QTGAL: variants seen among roughly 807,000 people sequenced by gnomAD.
QTGAL encodes BGnT-like protein 1.
the QTGAL span, among the ~76,000 whole-genome samples, chr17:82,955,032 C>T: frequency 4.6e-5 from 7 of 152,298 alleles, no homozygotes; most frequent in African/African-American, 1.7e-4. Flanking sequence ...TACATGAAAA[C>T]CTAGGCAATA....
the QTGAL span, chr17:83,051,611 C>G: frequency 0.28 from 278,349 of 997,994 alleles, 39,479 homozygotes; most frequent in East Asian, 0.37. Context: ...GGGCGGAGAC[C>G]CCGTAGGTGA....
chr17:82,955,700 T>G, the QTGAL span, among the ~76,000 whole-genome samples: 22 of 152,300 alleles, frequency 1.4e-4, no homozygotes, highest in African/African-American at 4.3e-4. Context: ...CATGCACGCA[T>G]ATGTTTACTG....
chr17:83,042,289 C>A, the QTGAL span, among the ~76,000 whole-genome samples: 211 of 152,298 alleles, frequency 1.4e-3, 1 homozygote, highest in African/African-American at 4.9e-3. Context: ...ATCACTTGAA[C>A]CTACTGGGTG....
At chr17:83,029,419 A>C in the QTGAL span, among the ~76,000 whole-genome samples, 1 of 152,190 alleles carries the variant, frequency 6.6e-6, no homozygotes, top group African/African-American at 2.4e-5. Flanking sequence ...AAGGACAGCA[A>C]GGGATGATGA....
At chr17:82,945,530 C>T in the QTGAL span, 2 of 152,314 alleles carry the variant, frequency 1.3e-5, no homozygotes, top group Admixed American at 1.3e-4. Flanking sequence ...GAGAAAATAG[C>T]TGTCAAGTTG....
chr17:82,942,621 C>T, the QTGAL span: 3 of 897,954 alleles, frequency 3.3e-6, no homozygotes, highest in South Asian at 3.0e-5. Flanking sequence ...TTCCTCTCTG[C>T]ACCTGCGCTC....
At chr17:82,973,058 CG>C in the QTGAL span, among the ~76,000 whole-genome samples, 1 of 152,248 alleles carries the variant, frequency 6.6e-6, no homozygotes, top group Non-Finnish European at 1.5e-5. Flanking sequence ...TGTGCTCCCG[CG>C]GCTGCCAGCC....
the QTGAL span, among the ~76,000 whole-genome samples, chr17:82,988,513 A>C: frequency 6.6e-6 from 1 of 152,330 alleles, no homozygotes; most frequent in African/African-American, 2.4e-5. Context: ...AATGGGACCT[A>C]ATTAAACTAA....
the QTGAL span, among the ~76,000 whole-genome samples, chr17:83,013,001 C>T: frequency 0.011 from 1,725 of 152,270 alleles, 39 homozygotes; most frequent in African/African-American, 0.039. Flanking sequence ...AACTGACTTC[C>T]GGAGCCTGTG....
chr17:82,950,692 G>A, the QTGAL span, among the ~76,000 whole-genome samples: 3 of 152,200 alleles, frequency 2.0e-5, no homozygotes, highest in East Asian at 1.9e-4. Flanking sequence ...CTGGACCCAC[G>A]GTCTGCAGAA....
chr17:83,041,818 G>A, the QTGAL span, among the ~76,000 whole-genome samples: 1,599 of 152,300 alleles, frequency 0.01, 9 homozygotes, highest in Non-Finnish European at 0.017. Context: ...TGTATTCATA[G>A]TGCTCAAAGA....
At chr17:83,001,436 G>A in the QTGAL span, among the ~76,000 whole-genome samples, 1 of 152,198 alleles carries the variant, frequency 6.6e-6, no homozygotes, top group Non-Finnish European at 1.5e-5. Context: ...AAAAAAGGAA[G>A]AAGATGAGAA....
At chr17:82,989,855 G>A in the QTGAL span, among the ~76,000 whole-genome samples, 1 of 152,066 alleles carries the variant, frequency 6.6e-6, no homozygotes, top group African/African-American at 2.4e-5. Flanking sequence ...AAACTAAACA[G>A]AAAATCTGAT....
At chr17:82,972,796 G>A in the QTGAL span, among the ~76,000 whole-genome samples, 1 of 144,882 alleles carries the variant, frequency 6.9e-6, no homozygotes. Flanking sequence ...GAAGGACCTG[G>A]TGCCGACCAC....
chr17:82,965,836 A>G, the QTGAL span: 1 of 1,309,868 alleles, frequency 7.6e-7, no homozygotes, highest in Non-Finnish European at 1.1e-6. Flanking sequence ...GTCACGAGAA[A>G]GTGACAGATG....
At chr17:83,031,403 A>C in the QTGAL span, among the ~76,000 whole-genome samples, 1,027 of 75,738 alleles carry the variant, frequency 0.014, no homozygotes, top group African/African-American at 0.025. Context: ...GACGGCCGCC[A>C]GAGCACCCAC....
the QTGAL span, among the ~76,000 whole-genome samples, chr17:82,995,900 G>A: frequency 6.6e-6 from 1 of 151,984 alleles, no homozygotes; most frequent in Non-Finnish European, 1.5e-5. Flanking sequence ...AAATGCCTAG[G>A]AATTAACTCA....
At chr17:83,014,535 C>A in the QTGAL span, 1 of 1,613,728 alleles carries the variant, frequency 6.2e-7, no homozygotes, top group Non-Finnish European at 8.5e-7. Flanking sequence ...GTAAAGAACA[C>A]ACTTTCCGTT....
chr17:82,970,592 G>A, the QTGAL span, among the ~76,000 whole-genome samples: 2 of 60,176 alleles, frequency 3.3e-5, no homozygotes, highest in Non-Finnish European at 6.7e-5. Context: ...CGCGACCTCC[G>A]CACCCGGCGT....
Sources: gnomAD v4.1 joint callset for allele counts (sites outside exome capture counted in the v4.1 genomes callset) on GRCh38, gnomAD v4.1.1 for gene constraint, MANE v1.5 for transcripts, NCBI Gene and HGNC (gene_info 2026-07-23, HGNC 2026-07-21) for gene names.